The following FAM133A variants were observed in gnomAD, a reference collection of about 807,000 sequenced individuals.
FAM133A encodes family with sequence similarity 133 member A.
For missense variants in FAM133A, 159 were observed against 164.4 expected (o/e 0.97, Z 0.18); for synonymous variants, 65 against 58.6 (o/e 1.11, Z -0.50).
intron 2 of FAM133A, among the ~76,000 whole-genome samples, chrX:93,686,104 T>A (rs1221063115): frequency 2.5e-4 from 10 of 40,664 alleles, no homozygotes; most frequent in Non-Finnish European, 2.6e-4. Context: ...TGAGACTCCA[T>A]CTCAAAAAAA....
chrX:93,689,127 C>T (rs1193832275), intron 2 of FAM133A, among the ~76,000 whole-genome samples: 4 of 108,768 alleles, frequency 3.7e-5, no homozygotes, highest in African/African-American at 1.3e-4. Flanking sequence ...CTGCAACCTC[C>T]GCCTCCCAGG....
At chrX:93,695,063 A>C (rs968337982) in intron 2 of FAM133A, among the ~76,000 whole-genome samples, 9 of 111,453 alleles carry the variant, frequency 8.1e-5, no homozygotes, top group African/African-American at 2.3e-4. Context: ...AATTGGAAGG[A>C]AATAAATATG....
At chrX:93,709,263 G>A (rs1927249337) in intron 3 of FAM133A, 54 bp from the exon 4 acceptor site, 1 of 763,102 alleles carries the variant, frequency 1.3e-6, no homozygotes, top group Non-Finnish European at 1.7e-6. Context: ...TTATATGTTT[G>A]TTTGTCTTTA....
chrX:93,697,126 T>G lies in FAM133A; in HGVS notation c.-192-1271T>G, dbSNP rs1282142804. ...CAAAATTATGATTTAGTAGGCATTC[T>G]GCAAAATCAAAAATCTGTATTTTTA... is the stretch of plus-strand genomic sequence containing the variant. On this transcript the variant is annotated intron_variant, in intron 2 of 3. Coordinates refer to ENST00000683942, the MANE Select transcript of FAM133A (RefSeq NM_001171109.2). 4.7e-5 allele frequency among the ~76,000 whole-genome samples: 5 copies of G among 105,615 alleles called. No individual in the cohort carries two copies. In the East Asian group the frequency reaches 1.5e-3, roughly 31 times the overall value. 91.7% of individuals were successfully genotyped at this position (105,615 alleles called of 115,157 possible). A position where few individuals can be genotyped will look rare whatever the true frequency, so the allele number is the denominator to read the frequency against.
intron 2 of FAM133A, among the ~76,000 whole-genome samples, chrX:93,679,744 T>C (rs1433310121): frequency 1.1e-5 from 1 of 88,502 alleles, no homozygotes; most frequent in African/African-American, 4.3e-5. Flanking sequence ...AACTGAAATG[T>C]GTCTTTTTTT....
chrX:93,687,772 T>C (rs972008843), intron 2 of FAM133A, among the ~76,000 whole-genome samples: 2 of 112,011 alleles, frequency 1.8e-5, no homozygotes, highest in Admixed American at 9.5e-5. Context: ...TGTAACTTTG[T>C]AGCAATGACC....
intron 2 of FAM133A, among the ~76,000 whole-genome samples, chrX:93,691,018 T>C (rs1164377604): frequency 8.9e-6 from 1 of 112,106 alleles, no homozygotes; most frequent in African/African-American, 3.2e-5. Flanking sequence ...AATTTTTAAT[T>C]TTTTGGTCTT....
chrX:93,706,057 A>G (rs928135663), intron 3 of FAM133A, among the ~76,000 whole-genome samples: 1 of 112,214 alleles, frequency 8.9e-6, no homozygotes, highest in African/African-American at 3.2e-5. Context: ...CTGAGATTGC[A>G]TTAGCAAAGG....
rs769516999 is a variant in FAM133A, at chrX:93,681,030, A to T, written c.-193+6278A>T. Among the ~76,000 whole-genome samples, 3 of 111,352 alleles carry T rather than the reference A, an allele frequency of 2.7e-5. No individual in the cohort carries two copies. In the South Asian group the frequency reaches 1.1e-3, roughly 42 times the overall value. ...ACATTTTTCAAAAATGTAAAACCAC[A>T]TCACGGAAGAATACTTTTACAAGGG... is the stretch of plus-strand genomic sequence containing the variant. On this transcript the variant is annotated intron_variant, in intron 2 of 3. Transcript: ENST00000683942.
chrX:93,711,830 G>A lies in FAM133A; in HGVS notation c.*1664G>A, dbSNP rs984730925. 1.6e-5 allele frequency: 2 copies of A among 123,069 alleles called. No homozygotes were observed. The highest frequency in any genetic ancestry group is 3.8e-5 in the Non-Finnish European group (2 of 53,205). The allele number at this position is 123,069 out of a possible 1,213,427, so 10.1% of individuals were successfully genotyped here. On this transcript the variant is annotated 3_prime_UTR_variant, in exon 4 of 4. Coordinates refer to ENST00000683942, the MANE Select transcript of FAM133A (RefSeq NM_001171109.2). The stretch of plus-strand genomic sequence containing the variant: ...TTTCCTAAAAATATATGTTTATGCT[G>A]ATAAAAACTATTACATTTATGGGAT...
chrX:93,701,545 A>G (rs887731931), intron 3 of FAM133A, among the ~76,000 whole-genome samples: 1 of 111,568 alleles, frequency 9.0e-6, no homozygotes, highest in African/African-American at 3.3e-5. Context: ...GAGGGGCTGG[A>G]ATTTTCAGGG....
intron 2 of FAM133A, among the ~76,000 whole-genome samples, chrX:93,688,904 A>T (rs188533355): frequency 5.0e-4 from 55 of 110,756 alleles, no homozygotes; most frequent in African/African-American, 1.5e-3. Flanking sequence ...GATATAAGAA[A>T]ATGTAAAAGC....
chrX:93,683,149 G>A (rs1015827174), intron 2 of FAM133A, among the ~76,000 whole-genome samples: 2 of 111,790 alleles, frequency 1.8e-5, no homozygotes, highest in East Asian at 5.6e-4. Context: ...GACACACAGA[G>A]TCTTCAGAAG....
chrX:93,703,882 A>T (rs1327546029), intron 3 of FAM133A, among the ~76,000 whole-genome samples: 1 of 112,178 alleles, frequency 8.9e-6, no homozygotes, highest in Admixed American at 9.5e-5. Context: ...AGAGGAAGAG[A>T]TATTTTAAAT....
intron 2 of FAM133A, among the ~76,000 whole-genome samples, chrX:93,680,634 G>C (rs1248957055): frequency 9.0e-6 from 1 of 111,286 alleles, no homozygotes; most frequent in African/African-American, 3.3e-5. Flanking sequence ...GATAATAGCT[G>C]TCCTAACAGG....
At chrX:93,694,336 T>A (rs1330940014) in intron 2 of FAM133A, among the ~76,000 whole-genome samples, 1 of 111,194 alleles carries the variant, frequency 9.0e-6, no homozygotes, top group East Asian at 2.8e-4. Context: ...ATTCTTGAGA[T>A]CTCTTTAAAA....
chrX:93,703,584 A>G (rs923746395), intron 3 of FAM133A, among the ~76,000 whole-genome samples: 3 of 112,500 alleles, frequency 2.7e-5, no homozygotes, highest in Non-Finnish European at 5.6e-5. Context: ...AAAAATACAT[A>G]TCACTTGATT....
At chrX:93,685,234 CT>C (rs1925433300) in intron 2 of FAM133A, among the ~76,000 whole-genome samples, 2 of 111,685 alleles carry the variant, frequency 1.8e-5, no homozygotes, top group Admixed American at 9.5e-5. Flanking sequence ...AGAGACCTTT[CT>C]TACCTGAAAA....
intron 2 of FAM133A, among the ~76,000 whole-genome samples, chrX:93,689,234 G>A (rs1925738043): frequency 9.1e-6 from 1 of 109,779 alleles, no homozygotes; most frequent in African/African-American, 3.3e-5. Flanking sequence ...TAGAGACGAG[G>A]TTTCACCATG....
Sources: gnomAD v4.1 joint callset for allele counts (sites outside exome capture counted in the v4.1 genomes callset) on GRCh38, gnomAD v4.1.1 for gene constraint, MANE v1.5 for transcripts, NCBI Gene and HGNC (gene_info 2026-07-23, HGNC 2026-07-21) for gene names.